The following GOLGA8B variants were observed in gnomAD, a reference collection of about 807,000 sequenced individuals.
GOLGA8B encodes golgin A8 family member B, also known as golgin subfamily A member 8B.
GOLGA8B carries 1 observed loss-of-function variant against 15.6 expected under a neutral mutation model. The ratio of observed to expected loss-of-function variants is 0.06; its 90% CI spans 0.02 to 0.30. GOLGA8B has a LOEUF of 0.30. GOLGA8B is among the 10% of genes least tolerant of loss of function. The probability of loss-of-function intolerance (pLI) is 1.00; values close to 1 mark genes in which losing one functional copy is unlikely to be tolerated. For missense variants in GOLGA8B, 17 were observed against 201.3 expected, an observed-to-expected ratio of 0.08 and a Z score of 5.54; for synonymous variants, 9 against 80.3, an observed-to-expected ratio of 0.11 and a Z score of 4.75.
At chr15:34,532,758 GC>G in intron 11 of GOLGA8B, 87 bp downstream of exon 11, 5 of 1,305,438 alleles carry the variant, frequency 3.8e-6, no homozygotes, top group African/African-American at 1.4e-5. Flanking sequence ...GGCACCAGGG[GC>G]CCCCAGCCCC....
intron 1 of GOLGA8B, chr15:34,581,542 C>T (rs1432212166): frequency 6.6e-6 from 1 of 152,144 alleles, no homozygotes; most frequent in Non-Finnish European, 1.5e-5. Flanking sequence ...CAATCCATCC[C>T]CACCAATTAT....
chr15:34,578,600 C>T (rs1296865462), intron 1 of GOLGA8B, among the ~76,000 whole-genome samples: 1 of 152,170 alleles, frequency 6.6e-6, no homozygotes, highest in Non-Finnish European at 1.5e-5. Flanking sequence ...CCAGCCTCCT[C>T]GTCGCGAAGT....
At chr15:34,564,370 A>AC (rs1402744365) in intron 1 of GOLGA8B, among the ~76,000 whole-genome samples, 2 of 151,444 alleles carry the variant, frequency 1.3e-5, no homozygotes, top group Admixed American at 6.6e-5. Context: ...AAAAAAAAAA[A>AC]AAAAAAAAGG....
intron 1 of GOLGA8B, among the ~76,000 whole-genome samples, chr15:34,576,511 G>A (rs1418580054): frequency 6.6e-6 from 1 of 152,158 alleles, no homozygotes; most frequent in Non-Finnish European, 1.5e-5. Context: ...CCTGCAAAAC[G>A]ATGACATGCT....
In GOLGA8B at chr15:34,525,508, G is replaced by C. The variant is rs955806517; in HGVS notation, c.*2124C>G. The C allele has an allele frequency of 2.4e-4, 36 of 149,654 alleles. 2 individuals are homozygous for C. Among genetic ancestry groups the C allele is most frequent in the African/African-American group, 8.9e-4 (36 of 40,446 alleles). The allele number at this position is 149,654 out of a possible 1,614,324, so 9.3% of individuals were successfully genotyped here. A position where few individuals can be genotyped will look rare whatever the true frequency, so the allele number is the denominator to read the frequency against. ...CACCATTTCTTTCTTTTAAACTACA[G>C]TATTCATATTTTAAAATGTTTTAAC... On this transcript the variant is annotated 3_prime_UTR_variant, in exon 24 of 24. Transcript: ENST00000683415.
intron 1 of GOLGA8B, among the ~76,000 whole-genome samples, chr15:34,578,776 T>C (rs1016810547): frequency 6.6e-6 from 1 of 152,202 alleles, no homozygotes; most frequent in African/African-American, 2.4e-5. Flanking sequence ...TCCAGACAAC[T>C]AGAGATGAAA....
At chr15:34,566,938 T>G (rs1340647194) in intron 1 of GOLGA8B, among the ~76,000 whole-genome samples, 1 of 116,804 alleles carries the variant, frequency 8.6e-6, no homozygotes, top group South Asian at 2.7e-4. Flanking sequence ...GCCACTCCCC[T>G]GAGGAAAGGC....
chr15:34,579,899 G>A (rs1276875023), intron 1 of GOLGA8B, among the ~76,000 whole-genome samples: 5 of 152,220 alleles, frequency 3.3e-5, no homozygotes, highest in African/African-American at 1.2e-4. Flanking sequence ...ATAAGAGACT[G>A]ACAATAAACA....
At chr15:34,580,434 C>T (rs907697336) in intron 1 of GOLGA8B, among the ~76,000 whole-genome samples, 2 of 152,190 alleles carry the variant, frequency 1.3e-5, no homozygotes, top group African/African-American at 4.8e-5. Flanking sequence ...AACCTCACAG[C>T]CGGCACAGAA....
intron 1 of GOLGA8B, among the ~76,000 whole-genome samples, chr15:34,579,202 T>C (rs1017339478): frequency 6.6e-6 from 1 of 151,720 alleles, no homozygotes; most frequent in Non-Finnish European, 1.5e-5. Context: ...CCAAATCCCA[T>C]CCTCTTTTCT....
intron 1 of GOLGA8B, among the ~76,000 whole-genome samples, chr15:34,569,623 C>A (rs1297085678): frequency 6.6e-6 from 1 of 151,876 alleles, no homozygotes; most frequent in Non-Finnish European, 1.5e-5. Context: ...GAAAATGATG[C>A]CCATCACCAT....
intron 1 of GOLGA8B, among the ~76,000 whole-genome samples, chr15:34,575,477 T>G (rs1323164680): frequency 6.6e-5 from 10 of 151,884 alleles, no homozygotes; most frequent in Non-Finnish European, 1.5e-4. Flanking sequence ...CCCACCTACT[T>G]TGCTCCCAAC....
At chr15:34,583,207 G>A (rs1233856710) in intron 1 of GOLGA8B, among the ~76,000 whole-genome samples, 2 of 151,944 alleles carry the variant, frequency 1.3e-5, no homozygotes, top group Non-Finnish European at 2.9e-5. Flanking sequence ...ACTTGCCCGC[G>A]CCGAGAGTGG....
At chr15:34,567,943 C>T (rs1382218373) in intron 1 of GOLGA8B, among the ~76,000 whole-genome samples, 6 of 151,614 alleles carry the variant, frequency 4.0e-5, no homozygotes, top group Non-Finnish European at 5.9e-5. Context: ...AATTTCAGAA[C>T]CCATCCCAAA....
At chr15:34,583,229 G>C (rs12899821) in intron 1 of GOLGA8B, among the ~76,000 whole-genome samples, 2 of 151,624 alleles carry the variant, frequency 1.3e-5, no homozygotes, top group African/African-American at 2.4e-5. Flanking sequence ...CCCTCACCGC[G>C]GTGAGCCCCT....
rs1218690198 is a variant in GOLGA8B, at chr15:34,526,460, G to C, written c.*1172C>G. On this transcript the variant is annotated 3_prime_UTR_variant, in exon 24 of 24. Transcript: ENST00000683415. Reference sequence around the variant, plus strand: ...GTGGTTGAAGAATAGGTATTAGCCAGAGAGGTCTAGATAGTAAAATCAAAC... The same window carrying C: ...GTGGTTGAAGAATAGGTATTAGCCACAGAGGTCTAGATAGTAAAATCAAAC... The C allele has an allele frequency of 1.3e-5, 2 of 148,742 alleles. No individual in the cohort carries two copies. The highest frequency in any genetic ancestry group is 5.0e-5 in the African/African-American group (2 of 40,172). The allele number at this position is 148,742 out of a possible 1,614,324, so 9.2% of individuals were successfully genotyped here.
intron 1 of GOLGA8B, among the ~76,000 whole-genome samples, chr15:34,573,965 C>A (rs866566480): frequency 1.3e-5 from 2 of 151,684 alleles, no homozygotes; most frequent in African/African-American, 2.4e-5. Flanking sequence ...CAAAACAAGA[C>A]ATGTTCAAAA....
At chr15:34,572,455 A>G (rs1341215156) in intron 1 of GOLGA8B, among the ~76,000 whole-genome samples, 2 of 152,260 alleles carry the variant, frequency 1.3e-5, no homozygotes, top group African/African-American at 2.4e-5. Flanking sequence ...GCGTCAGAAT[A>G]ATGCTGCTTG....
chr15:34,581,406 C>T (rs1277894376), intron 1 of GOLGA8B: 1 of 152,246 alleles, frequency 6.6e-6, no homozygotes, highest in Non-Finnish European at 1.5e-5. Context: ...TGGGAAAAAT[C>T]AAGGTGTCTT....
Sources: gnomAD v4.1 joint callset for allele counts (sites outside exome capture counted in the v4.1 genomes callset) on GRCh38, gnomAD v4.1.1 for gene constraint, MANE v1.5 for transcripts, NCBI Gene and HGNC (gene_info 2026-07-23, HGNC 2026-07-21) for gene names.